The following ZNF827 variants were observed in gnomAD, a reference collection of about 807,000 sequenced individuals.
ZNF827 encodes zinc finger protein 827.
Under a neutral mutation model 102.4 loss-of-function variants are expected in ZNF827, and 13 were observed. The ratio of observed to expected loss-of-function variants is 0.13; its 90% confidence interval spans 0.08 to 0.20. The LOEUF is 0.20. Among genes scored for constraint, ZNF827 ranks in the 10% least tolerant of loss-of-function variants. ZNF827 has a pLI of 1.00. For missense variants in ZNF827, 1,103 were observed against 1,344.4 expected (o/e 0.82, Z 2.81); for synonymous variants, 523 against 536.2 (o/e 0.98, Z 0.34).
At chr4:145,853,505 G>A (rs1213872630) in intron 5 of ZNF827, among the ~76,000 whole-genome samples, 1 of 152,008 alleles carries the variant, frequency 6.6e-6, no homozygotes, top group Non-Finnish European at 1.5e-5. Context: ...TATTGAGCCA[G>A]GGAGTTCAAG....
chr4:145,787,096 C>A (rs985207361), intron 8 of ZNF827, among the ~76,000 whole-genome samples: 4 of 152,196 alleles, frequency 2.6e-5, no homozygotes, highest in Non-Finnish European at 4.4e-5. Context: ...CCTTTAAGGA[C>A]CATTACACTC....
chr4:145,931,981 C>G (rs1031981515), intron 1 of ZNF827, among the ~76,000 whole-genome samples: 3 of 152,120 alleles, frequency 2.0e-5, no homozygotes, highest in African/African-American at 4.8e-5. Context: ...TGGGAGGTGA[C>G]TAGATCGTGA....
intron 7 of ZNF827, chr4:145,835,364 T>C (rs891182446): frequency 1.3e-5 from 2 of 151,950 alleles, no homozygotes; most frequent in Admixed American, 6.5e-5. Flanking sequence ...CAAGGGCCTG[T>C]TTCCCTTGCC....
intron 2 of ZNF827, among the ~76,000 whole-genome samples, chr4:145,892,701 G>A (rs983665868): frequency 3.9e-5 from 6 of 152,294 alleles, no homozygotes; most frequent in South Asian, 2.1e-4. Context: ...GGAAGACATC[G>A]GCAAAGGGGC....
intron 1 of ZNF827, among the ~76,000 whole-genome samples, chr4:145,926,211 C>T (rs774240030): frequency 6.6e-6 from 1 of 152,168 alleles, no homozygotes; most frequent in Non-Finnish European, 1.5e-5. Flanking sequence ...TCGGTTATCA[C>T]ACACAAGCTG....
intron 4 of ZNF827, among the ~76,000 whole-genome samples, chr4:145,883,000 G>A (rs1228543892): frequency 6.6e-6 from 1 of 151,834 alleles, no homozygotes; most frequent in Non-Finnish European, 1.5e-5. Flanking sequence ...AGCCAGGTAG[G>A]GCATCACAGT....
At chr4:145,866,583 T>C (rs1161014557) in intron 5 of ZNF827, among the ~76,000 whole-genome samples, 1 of 152,258 alleles carries the variant, frequency 6.6e-6, no homozygotes, top group Non-Finnish European at 1.5e-5. Context: ...AATTAAGGTC[T>C]AATATGAAGT....
At chr4:145,862,919 G>A (rs1223480168) in intron 5 of ZNF827, among the ~76,000 whole-genome samples, 1 of 152,090 alleles carries the variant, frequency 6.6e-6, no homozygotes, top group Non-Finnish European at 1.5e-5. Flanking sequence ...AATTAAAAAC[G>A]TTCATGCTGC....
intron 8 of ZNF827, among the ~76,000 whole-genome samples, chr4:145,781,522 A>G (rs1336313823): frequency 1.6e-4 from 25 of 152,252 alleles, no homozygotes; most frequent in Admixed American, 1.6e-3. Context: ...GAACTGATTC[A>G]TCTGTGTTTG....
At chr4:145,853,672 G>A (rs1186386718) in intron 5 of ZNF827, among the ~76,000 whole-genome samples, 2 of 152,106 alleles carry the variant, frequency 1.3e-5, no homozygotes, top group Non-Finnish European at 2.9e-5. Context: ...GTGGCTGACT[G>A]TAGTCTGAAT....
chr4:145,890,049 T>C (rs1750473519), intron 3 of ZNF827, among the ~76,000 whole-genome samples: 1 of 151,958 alleles, frequency 6.6e-6, no homozygotes, highest in African/African-American at 2.4e-5. Context: ...AGAGGATATC[T>C]ACCCATAAGA....
chr4:145,826,903 C>T (rs778226164), intron 7 of ZNF827, among the ~76,000 whole-genome samples: 23 of 152,278 alleles, frequency 1.5e-4, no homozygotes, highest in Middle Eastern at 3.4e-3. Context: ...TGTGCCACCA[C>T]GCCCGACTAA....
intron 7 of ZNF827, among the ~76,000 whole-genome samples, chr4:145,841,021 A>G (rs564618711): frequency 5.4e-4 from 83 of 152,346 alleles, no homozygotes; most frequent in African/African-American, 1.9e-3. Flanking sequence ...CTAGTAATGG[A>G]GAAAAGAACA....
chr4:145,894,144 T>C (rs185542154), intron 2 of ZNF827, among the ~76,000 whole-genome samples: 60 of 152,194 alleles, frequency 3.9e-4, no homozygotes, highest in African/African-American at 1.1e-3. Flanking sequence ...GATATATACA[T>C]GGAAGTATTT....
chr4:145,764,849 G>C (rs766197992), intron 13 of ZNF827, 139 bp downstream of exon 13: 5 of 1,124,448 alleles, frequency 4.4e-6, no homozygotes, highest in Non-Finnish European at 2.6e-6. Flanking sequence ...AAGGCAGCAG[G>C]GGTTCCTGAC....
At chr4:145,782,363 G>A (rs1266649582) in intron 8 of ZNF827, among the ~76,000 whole-genome samples, 3 of 152,174 alleles carry the variant, frequency 2.0e-5, no homozygotes, top group Admixed American at 2.0e-4. Context: ...GAGCTGAGAT[G>A]AGATGAAGCT....
In ZNF827 at chr4:145,938,496, G is replaced by T; in HGVS notation, c.-89C>A. 1.8e-6 allele frequency: 2 copies of T among 1,096,388 alleles called. No individual in the cohort carries two copies. Among genetic ancestry groups the T allele is most frequent in the Non-Finnish European group, 1.3e-6 (1 of 754,500 alleles). The allele number at this position is 1,096,388 out of a possible 1,614,324, so 67.9% of individuals were successfully genotyped here. ...CAGAGAGGCAGACACTGGCAGGAGC[G>T]GGGAGGTAGTTGGGGGGCGGGCGGG... On this transcript the variant is annotated 5_prime_UTR_variant, in exon 1 of 15. Transcript: ENST00000508784.
At chr4:145,837,833 C>G (rs1745009604) in intron 7 of ZNF827, among the ~76,000 whole-genome samples, 1 of 152,108 alleles carries the variant, frequency 6.6e-6, no homozygotes, top group South Asian at 2.1e-4. Flanking sequence ...TTCTATACGA[C>G]AAATGTTTCT....
At chr4:145,831,435 C>G (rs952462962) in intron 7 of ZNF827, 1 of 152,246 alleles carries the variant, frequency 6.6e-6, no homozygotes, top group African/African-American at 2.4e-5. Context: ...AAAATCGAGG[C>G]TGGCATTGCA....
Sources: allele counts gnomAD v4.1 joint callset (sites outside exome capture counted in the v4.1 genomes callset), GRCh38; gene constraint gnomAD v4.1.1; transcripts MANE v1.5; gene names NCBI Gene and HGNC (gene_info 2026-07-23, HGNC 2026-07-21).